Variants in FBXO34 observed in about 807,000 individuals in gnomAD.
The protein encoded by FBXO34 is F-box protein 34.
FBXO34 carries 12 observed loss-of-function variants against 24.5 expected under a neutral mutation model. That is an observed-to-expected ratio of 0.49 (90% CI 0.31 to 0.79). The LOEUF (loss-of-function observed/expected upper bound fraction) is 0.79. Ranked by LOEUF, FBXO34 falls within the 30% of genes least tolerant of loss-of-function variation. The pLI, the probability that FBXO34 is intolerant of heterozygous loss-of-function variation, is 0.04. For synonymous variants in FBXO34, 320 were observed against 311.9 expected (o/e 1.03, Z -0.27); for missense variants, 823 against 857.7 (o/e 0.96, Z 0.51).
At chr14:55,322,969 C>T (rs1222491848) in intron 1 of FBXO34, among the ~76,000 whole-genome samples, 20 of 139,844 alleles carry the variant, frequency 1.4e-4, no homozygotes, top group African/African-American at 3.8e-4. Flanking sequence ...GTCAGGAGAT[C>T]GAGACCATCC....
the FBXO34 span, among the ~76,000 whole-genome samples, chr14:55,425,876 A>G: frequency 6.6e-6 from 1 of 152,190 alleles, no homozygotes; most frequent in Non-Finnish European, 1.5e-5. Flanking sequence ...GACTATAGCT[A>G]TATTGCTTGC....
chr14:55,407,867 G>T, the FBXO34 span, among the ~76,000 whole-genome samples: 2 of 152,264 alleles, frequency 1.3e-5, no homozygotes, highest in South Asian at 4.1e-4. Flanking sequence ...TGGCCTTTAA[G>T]TTGAATGGTG....
intron 1 of FBXO34, among the ~76,000 whole-genome samples, chr14:55,325,539 G>A (rs770516375): frequency 3.3e-5 from 5 of 151,958 alleles, no homozygotes; most frequent in Non-Finnish European, 7.4e-5. Context: ...GCAATGGCGC[G>A]ATCTCGGCTC....
At chr14:55,431,128 T>A in the FBXO34 span, among the ~76,000 whole-genome samples, 2 of 152,260 alleles carry the variant, frequency 1.3e-5, no homozygotes, top group African/African-American at 4.8e-5. Flanking sequence ...CCTCATACTC[T>A]TGCTGTTACA....
intron 1 of FBXO34, among the ~76,000 whole-genome samples, chr14:55,331,660 A>C (rs180853728): frequency 0.027 from 1,854 of 69,376 alleles, 188 homozygotes; most frequent in Non-Finnish European, 0.035. Flanking sequence ...ATATATACCA[A>C]CATGGTGTGT....
intron 1 of FBXO34, among the ~76,000 whole-genome samples, chr14:55,340,794 C>A (rs948168069): frequency 2.0e-5 from 3 of 152,124 alleles, no homozygotes; most frequent in African/African-American, 7.2e-5. Context: ...TGTTATTTGA[C>A]ACATAATGGA....
At chr14:55,385,602 T>C in the FBXO34 span, among the ~76,000 whole-genome samples, 1 of 152,112 alleles carries the variant, frequency 6.6e-6, no homozygotes, top group Non-Finnish European at 1.5e-5. Flanking sequence ...CATCAGATGG[T>C]TCTTAATCAG....
the FBXO34 span, among the ~76,000 whole-genome samples, chr14:55,434,437 G>A: frequency 3.9e-5 from 6 of 152,050 alleles, no homozygotes; most frequent in Non-Finnish European, 4.4e-5. Flanking sequence ...TCCTCTCCCC[G>A]GTTAAGCTAG....
At chr14:55,432,442 A>AACAAAAAAAC in the FBXO34 span, among the ~76,000 whole-genome samples, 6 of 149,164 alleles carry the variant, frequency 4.0e-5, no homozygotes, top group African/African-American at 1.5e-4. Context: ...ATAAACAAAC[A>AACAAAAAAAC]ACAAAAAAAA....
chr14:55,300,318 C>T (rs1316200837), intron 1 of FBXO34, among the ~76,000 whole-genome samples: 1 of 152,130 alleles, frequency 6.6e-6, no homozygotes, highest in East Asian at 1.9e-4. Context: ...TGTGGCCGGG[C>T]GAGGTGGCTC....
At chr14:55,283,799 C>G (rs1397583718) in intron 1 of FBXO34, among the ~76,000 whole-genome samples, 1 of 152,032 alleles carries the variant, frequency 6.6e-6, no homozygotes, top group Non-Finnish European at 1.5e-5. Context: ...TGTGTTTTCC[C>G]CCCTTTTAGG....
At chr14:55,428,906 C>T in the FBXO34 span, 1 of 1,614,200 alleles carries the variant, frequency 6.2e-7, no homozygotes. Flanking sequence ...ATCGAGGAAT[C>T]TGGCAGGGAA....
chr14:55,398,543 T>C, the FBXO34 span, among the ~76,000 whole-genome samples: 1 of 152,212 alleles, frequency 6.6e-6, no homozygotes, highest in Admixed American at 6.5e-5. Flanking sequence ...TAGAAGCATA[T>C]TGTTTAATTT....
At chr14:55,281,299 A>C (rs929553786) in intron 1 of FBXO34, among the ~76,000 whole-genome samples, 1 of 151,438 alleles carries the variant, frequency 6.6e-6, no homozygotes, top group African/African-American at 2.4e-5. Context: ...TCAGACTACT[A>C]ATATTTCAGG....
the FBXO34 span, among the ~76,000 whole-genome samples, chr14:55,421,060 C>CAAAAAA: frequency 1.9e-5 from 2 of 107,576 alleles, no homozygotes; most frequent in Non-Finnish European, 1.8e-5. Flanking sequence ...GAATCTGTCT[C>CAAAAAA]AAAAAAAAAA....
chr14:55,394,603 A>T, the FBXO34 span, among the ~76,000 whole-genome samples: 1 of 152,192 alleles, frequency 6.6e-6, no homozygotes, highest in Non-Finnish European at 1.5e-5. Context: ...ACAGCACTGT[A>T]TCAAAGTTAT....
the FBXO34 span, chr14:55,424,189 T>C: frequency 6.2e-7 from 1 of 1,613,436 alleles, no homozygotes. Context: ...GATACAAAGA[T>C]AAGCAACACA....
the FBXO34 span, among the ~76,000 whole-genome samples, chr14:55,396,548 G>C: frequency 6.6e-6 from 1 of 152,216 alleles, no homozygotes; most frequent in East Asian, 1.9e-4. Context: ...TTGGGAATCA[G>C]TGGCCTGAGC....
chr14:55,416,117 T>C, the FBXO34 span, among the ~76,000 whole-genome samples: 18 of 152,254 alleles, frequency 1.2e-4, no homozygotes, highest in Non-Finnish European at 2.1e-4. Context: ...TTTAATGATA[T>C]CAGGTTTTAT....
Sources: gnomAD v4.1 joint callset for allele counts (sites outside exome capture counted in the v4.1 genomes callset) on GRCh38, gnomAD v4.1.1 for gene constraint, MANE v1.5 for transcripts, NCBI Gene and HGNC (gene_info 2026-07-23, HGNC 2026-07-21) for gene names.